DEPDC5: variants seen among roughly 807,000 people sequenced by gnomAD.
DEPDC5 encodes the protein DEP domain containing 5, GATOR1 subcomplex subunit, also known as GATOR1 complex protein DEPDC5.
Under a neutral mutation model 217.3 loss-of-function variants are expected in DEPDC5, and 73 were observed. That is an observed-to-expected ratio of 0.34 (90% CI 0.28 to 0.41). The LOEUF (loss-of-function observed/expected upper bound fraction) is 0.41, where lower values mean the gene tolerates loss of function less well. Among genes scored for constraint, DEPDC5 ranks in the 10% least tolerant of loss-of-function variants. The pLI, the probability that DEPDC5 is intolerant of heterozygous loss-of-function variation, is 1.00. For missense variants in DEPDC5, 1,675 were observed against 2,070.1 expected, an observed-to-expected ratio of 0.81 and a Z score of 3.70; for synonymous variants, 733 against 756.7, an observed-to-expected ratio of 0.97 and a Z score of 0.51.
intron 22 of DEPDC5, 121 bp downstream of exon 22, chr22:31,819,346 C>G (rs1348722256): frequency 1.9e-6 from 2 of 1,071,716 alleles, no homozygotes; most frequent in Non-Finnish European, 2.7e-6. Flanking sequence ...GATGGGATAA[C>G]CATGCCCACT....
chr22:31,838,931 A>G (rs2091219332), intron 27 of DEPDC5, 86 bp downstream of exon 27: 1 of 1,388,034 alleles, frequency 7.2e-7, no homozygotes, highest in Non-Finnish European at 9.8e-7. Flanking sequence ...TAGTAGATAA[A>G]TTTAGTAGTA....
At chr22:31,886,585 C>A (rs576327767) in intron 38 of DEPDC5, among the ~76,000 whole-genome samples, 1 of 151,172 alleles carries the variant, frequency 6.6e-6, no homozygotes, top group East Asian at 1.9e-4. Flanking sequence ...CATGGTGAAA[C>A]CCTGTCTCTA....
rs572660873 is a variant in DEPDC5, at chr22:31,758,558, T to G, written c.71T>G (p.Val24Gly). ...KGFGGSDDEL[V>G]VNPKVFPHIK... ...AATTGTCTTTCAGATGATGAGCTAG[T>G]TGTGAACCCCAAAGTGTTCCCTCAC... Residue 24 changes from valine (V) to glycine (G), a missense_variant, in exon 3 of 43, where the codon GTT becomes GGT. Transcript: ENST00000651528. 211 of 1,614,188 alleles carry G rather than the reference T, an allele frequency of 1.3e-4. 4 individuals are homozygous for G. In the South Asian group the frequency reaches 2.1e-3, roughly 16 times the overall value.
chr22:31,832,099 A>G (rs773473164), intron 24 of DEPDC5, among the ~76,000 whole-genome samples: 19 of 152,244 alleles, frequency 1.2e-4, no homozygotes, highest in Non-Finnish European at 8.8e-5. Context: ...CCACGTGTCA[A>G]TAGTTGCCTC....
intron 30 of DEPDC5, among the ~76,000 whole-genome samples, 174 bp from the exon 31 acceptor site, chr22:31,846,660 C>A (rs1212391264): frequency 2.0e-5 from 3 of 152,212 alleles, no homozygotes; most frequent in African/African-American, 7.2e-5. Context: ...GCTGACCAGG[C>A]ATTTGAATGA....
At chr22:31,843,531 A>G (rs2091524691) in intron 28 of DEPDC5, 114 bp from the exon 29 acceptor site, 5 of 1,289,030 alleles carry the variant, frequency 3.9e-6, no homozygotes, top group Admixed American at 2.3e-5. Context: ...TGGTTACTAC[A>G]GTTGAGGGGT....
At chr22:31,783,834 A>C in intron 8 of DEPDC5, 73 bp from the exon 9 acceptor site, 1 of 1,313,408 alleles carries the variant, frequency 7.6e-7, no homozygotes, top group Non-Finnish European at 1.1e-6. Context: ...GCAGATCTTC[A>C]GAACTTTTTC....
intron 24 of DEPDC5, chr22:31,831,059 T>C (rs910324033): frequency 1.6e-4 from 24 of 148,652 alleles, no homozygotes; most frequent in African/African-American, 2.0e-4. Flanking sequence ...TTTTTTTTTT[T>C]CCAGAAAATT....
At chr22:31,904,677 G>A (rs1313539793) in intron 41 of DEPDC5, among the ~76,000 whole-genome samples, 1 of 152,228 alleles carries the variant, frequency 6.6e-6, no homozygotes, top group Admixed American at 6.5e-5. Flanking sequence ...CCGGGAGGTG[G>A]AGGTTGCGGT....
chr22:31,776,416 G>T (rs2083859652), intron 7 of DEPDC5, among the ~76,000 whole-genome samples: 1 of 151,886 alleles, frequency 6.6e-6, no homozygotes, highest in Non-Finnish European at 1.5e-5. Context: ...CCGGCCCATT[G>T]TCTCATTTTT....
At chr22:31,824,393 A>G (rs1052264879) in intron 24 of DEPDC5, among the ~76,000 whole-genome samples, 1 of 152,126 alleles carries the variant, frequency 6.6e-6, no homozygotes, top group Non-Finnish European at 1.5e-5. Flanking sequence ...AGTTATATCA[A>G]ATTGGTTGAT....
chr22:31,897,177 C>A (rs1185439923), intron 39 of DEPDC5, among the ~76,000 whole-genome samples: 1 of 152,046 alleles, frequency 6.6e-6, no homozygotes, highest in Non-Finnish European at 1.5e-5. Flanking sequence ...TCTCCAACAT[C>A]CCCTAGAATG....
chr22:31,813,448 C>G (rs924698587), intron 20 of DEPDC5, among the ~76,000 whole-genome samples: 1 of 152,126 alleles, frequency 6.6e-6, no homozygotes, highest in African/African-American at 2.4e-5. Flanking sequence ...GTGGAAAGAA[C>G]AAACATGTAG....
intron 14 of DEPDC5, among the ~76,000 whole-genome samples, chr22:31,800,355 C>G (rs573566965): frequency 4.6e-5 from 7 of 152,126 alleles, no homozygotes; most frequent in Non-Finnish European, 7.4e-5. Context: ...ATGCATGTCT[C>G]TTTATGAATG....
chr22:31,888,873 T>C (rs1245851124), intron 38 of DEPDC5, among the ~76,000 whole-genome samples: 1 of 152,204 alleles, frequency 6.6e-6, no homozygotes, highest in Non-Finnish European at 1.5e-5. Flanking sequence ...GCCCACTGGA[T>C]TTTGGGATCA....
intron 24 of DEPDC5, among the ~76,000 whole-genome samples, chr22:31,828,552 AT>A (rs1228362292): frequency 6.6e-6 from 1 of 151,562 alleles, no homozygotes; most frequent in African/African-American, 2.4e-5. Context: ...CTGAAGCATG[AT>A]TTAATTTTTC....
At chr22:31,828,488 A>G (rs997079164) in intron 24 of DEPDC5, among the ~76,000 whole-genome samples, 1 of 151,416 alleles carries the variant, frequency 6.6e-6, no homozygotes, top group African/African-American at 2.4e-5. Flanking sequence ...TTCCTGGCAC[A>G]TAATAGATAG....
In DEPDC5 at chr22:31,906,223, T is replaced by G; in HGVS notation, c.4538T>G (p.Leu1513Arg). The G allele has an allele frequency of 6.2e-7, 1 of 1,613,902 alleles. No homozygotes were observed. Among genetic ancestry groups the G allele is most frequent in the South Asian group, 1.1e-5 (1 of 91,080 alleles). ...TCTTCAGGAACAGTGTTTCTGCAGC[T>G]GCCCTACTCCAAGCGCAAGTTCTCA... ...IHVTGTVFLQLPYSKRKFSGQ... is the reference protein window; with the variant it reads ...IHVTGTVFLQRPYSKRKFSGQ... Residue 1513 changes from leucine to arginine, a missense_variant, in exon 43 of 43, where the codon CTG becomes CGG. Leu to Arg is a moderately radical substitution (Grantham distance 102). Coordinates refer to ENST00000651528, the MANE Select transcript of DEPDC5 (RefSeq NM_001242896.3). The surrounding 1 kb of genome is among the most constrained non-coding windows in gnomAD (Gnocchi z 5.1).
chr22:31,798,659 G>A lies in DEPDC5; in HGVS notation c.946+3G>A, dbSNP rs1244393015. The A allele has an allele frequency of 6.2e-7, 1 of 1,610,096 alleles. No individual in the cohort carries two copies. Among genetic ancestry groups the A allele is most frequent in the East Asian group, 2.2e-5 (1 of 44,760 alleles). ...GGCCATCAATCTGTCATTCAATGGT[G>A]AGTAAGGATGCCGGCCATGAGCCAG... is the stretch of plus-strand genomic sequence containing the variant. On this transcript the variant is annotated splice_donor_region_variant and intron_variant, in intron 14 of 42. Transcript: ENST00000651528.
Sources: allele counts gnomAD v4.1 joint callset (sites outside exome capture counted in the v4.1 genomes callset), GRCh38; gene constraint gnomAD v4.1.1; non-coding constraint Gnocchi (gnomAD v3.1); transcripts MANE v1.5; gene names NCBI Gene and HGNC (gene_info 2026-07-23, HGNC 2026-07-21).